The following GRID2 variants were observed in gnomAD, a reference collection of about 807,000 sequenced individuals.
GRID2 encodes glutamate ionotropic receptor delta type subunit 2, also known as glutamate receptor ionotropic, delta-2.
GRID2 carries 33 observed loss-of-function variants against 114.8 expected under a neutral mutation model. The observed-to-expected ratio is 0.29, with a 90% CI of 0.22 to 0.38. The LOEUF (loss-of-function observed/expected upper bound fraction) is 0.38. Ranked by LOEUF, GRID2 falls within the 10% of genes least tolerant of loss-of-function variation. The probability of loss-of-function intolerance (pLI) is 1.00; values close to 1 mark genes in which losing one functional copy is unlikely to be tolerated. For missense variants in GRID2, 1,184 were observed against 1,257.7 expected, an observed-to-expected ratio of 0.94 and a Z score of 0.89; for synonymous variants, 505 against 449.9, an observed-to-expected ratio of 1.12 and a Z score of -1.55.
chr4:93,274,190 T>A (rs1579507798), intron 8 of GRID2, among the ~76,000 whole-genome samples: 1 of 152,122 alleles, frequency 6.6e-6, no homozygotes, highest in African/African-American at 2.4e-5. Context: ...AATCCTGCAG[T>A]GGCATTGATA....
intron 13 of GRID2, among the ~76,000 whole-genome samples, chr4:93,590,555 T>A (rs1273737226): frequency 6.6e-6 from 1 of 151,880 alleles, no homozygotes; most frequent in African/African-American, 2.4e-5. Context: ...TTTGGTTCCA[T>A]ATGAACTTTA....
At chr4:93,255,171 A>C (rs998554723) in intron 8 of GRID2, among the ~76,000 whole-genome samples, 7 of 151,942 alleles carry the variant, frequency 4.6e-5, no homozygotes, top group Admixed American at 2.0e-4. Flanking sequence ...ATGTTTTTCC[A>C]AGTAGGCATT....
chr4:93,725,397 G>T (rs1560946638), intron 14 of GRID2, among the ~76,000 whole-genome samples: 1 of 152,236 alleles, frequency 6.6e-6, no homozygotes, highest in South Asian at 2.1e-4. Context: ...TGGACATTTG[G>T]GTTGGTTCCA....
rs1490779668 is a variant in GRID2 at position 93,075,883 on chromosome 4, C to CTCTT, written c.245-9111_245-9110insCTTT. 1.6e-3 allele frequency among the ~76,000 whole-genome samples: 120 copies of CTCTT among 76,610 alleles called. 8 individuals are homozygous for CTCTT. Among genetic ancestry groups the CTCTT allele is most frequent in the African/African-American group, 5.2e-3 (97 of 18,780 alleles). 50.3% of individuals were successfully genotyped at this position (76,610 alleles called of 152,430 possible). ...GTATTGGGATGTCGAAGTTACCTCT[C>CTCTT]TTTTTTTTTTTTTTTTTTTTTTTTT... is the stretch of plus-strand genomic sequence containing the variant. On this transcript the variant is annotated intron_variant, in intron 2 of 15. Transcript: ENST00000282020.
At chr4:92,334,569 A>G (rs1044250593) in intron 1 of GRID2, among the ~76,000 whole-genome samples, 4 of 152,032 alleles carry the variant, frequency 2.6e-5, no homozygotes, top group African/African-American at 7.2e-5. Flanking sequence ...GGAAGAGAGC[A>G]AGAGGAGTCT....
chr4:92,643,627 C>T (rs887266897), intron 2 of GRID2, among the ~76,000 whole-genome samples: 1 of 151,692 alleles, frequency 6.6e-6, no homozygotes, highest in Non-Finnish European at 1.5e-5. Flanking sequence ...AGTTAGCCAG[C>T]TAATTAAATA....
At chr4:93,239,156 G>T (rs1178214283) in intron 8 of GRID2, among the ~76,000 whole-genome samples, 1 of 108,172 alleles carries the variant, frequency 9.2e-6, no homozygotes, top group Admixed American at 1.2e-4. Context: ...TATATTTATA[G>T]CATTTGATAT....
intron 1 of GRID2, among the ~76,000 whole-genome samples, chr4:92,376,022 T>C (rs1386237536): frequency 3.9e-5 from 6 of 152,138 alleles, no homozygotes; most frequent in Non-Finnish European, 2.9e-5. Flanking sequence ...CATAAAAGAA[T>C]TTTTTTCATT....
At chr4:93,617,981 C>G (rs1836644) in intron 13 of GRID2, among the ~76,000 whole-genome samples, 30,776 of 150,450 alleles carry the variant, frequency 0.2, 3,498 homozygotes, top group Middle Eastern at 0.35. Context: ...TTGATACTAC[C>G]CCCCCTAACC....
intron 2 of GRID2, among the ~76,000 whole-genome samples, chr4:92,990,305 A>ATG (rs760078503): frequency 2.3e-3 from 166 of 71,474 alleles, no homozygotes; most frequent in African/African-American, 7.7e-3. Context: ...ATATATATAT[A>ATG]TGTGTGTGTG....
intron 2 of GRID2, among the ~76,000 whole-genome samples, chr4:92,775,587 G>A (rs1738753725): frequency 6.6e-6 from 1 of 152,084 alleles, no homozygotes; most frequent in Admixed American, 6.6e-5. Context: ...AGCCTTTTCT[G>A]TATACATACG....
intron 1 of GRID2, among the ~76,000 whole-genome samples, chr4:92,381,820 T>C (rs116018223): frequency 2.1e-3 from 315 of 152,198 alleles, no homozygotes; most frequent in African/African-American, 7.3e-3. Context: ...CTTGTGGTCT[T>C]ACATCTACCC....
At chr4:92,323,979 G>T (rs967012038) in intron 1 of GRID2, among the ~76,000 whole-genome samples, 23 of 152,048 alleles carry the variant, frequency 1.5e-4, no homozygotes, top group African/African-American at 5.5e-4. Flanking sequence ...CTATCTAGGA[G>T]ATAGAAATAG....
intron 5 of GRID2, among the ~76,000 whole-genome samples, chr4:93,214,244 T>C (rs1309493153): frequency 1.3e-5 from 2 of 152,060 alleles, no homozygotes; most frequent in Admixed American, 1.3e-4. Flanking sequence ...TTTAAACATT[T>C]TTTAAAAAAT....
chr4:93,067,193 G>T lies in GRID2; in HGVS notation c.245-17802G>T, dbSNP rs557459815. Among the ~76,000 whole-genome samples the T allele has an allele frequency of 3.3e-5, 5 of 152,094 alleles. No homozygotes were observed. In the South Asian group the frequency reaches 1.0e-3, roughly 32 times the overall value. On this transcript the variant is annotated intron_variant, in intron 2 of 15. Transcript: ENST00000282020. ...TACAAGTTGAGCTATTTGCAGTGAG[G>T]TTGCCCAGAAACCTAGAGGTAGTAC...
chr4:93,198,628 T>G (rs1421039454), intron 4 of GRID2, among the ~76,000 whole-genome samples: 1 of 152,000 alleles, frequency 6.6e-6, no homozygotes, highest in Non-Finnish European at 1.5e-5. Context: ...CAGGCAAGCA[T>G]AAGGGTTGGG....
At chr4:93,637,568 A>C (rs539601544) in intron 14 of GRID2, among the ~76,000 whole-genome samples, 56 of 152,312 alleles carry the variant, frequency 3.7e-4, no homozygotes, top group African/African-American at 1.3e-3. Flanking sequence ...ATTTTAGTTT[A>C]AATGAAATGC....
intron 1 of GRID2, among the ~76,000 whole-genome samples, chr4:92,340,671 C>T (rs1345824644): frequency 6.6e-6 from 1 of 152,120 alleles, no homozygotes; most frequent in African/African-American, 2.4e-5. Flanking sequence ...GATGATCACC[C>T]CTGTCTAGAC....
At chr4:93,138,324 T>C (rs10021088) in intron 4 of GRID2, among the ~76,000 whole-genome samples, 87,138 of 151,682 alleles carry the variant, frequency 0.57, 26,739 homozygotes, top group African/African-American at 0.77. Flanking sequence ...TTTTGTACCA[T>C]ATTTATGTTG....
Sources: allele counts gnomAD v4.1 joint callset (sites outside exome capture counted in the v4.1 genomes callset), GRCh38; gene constraint gnomAD v4.1.1; transcripts MANE v1.5; gene names NCBI Gene and HGNC (gene_info 2026-07-23, HGNC 2026-07-21).